STARD13: variants seen among roughly 807,000 people sequenced by gnomAD.
STARD13 encodes stAR-related lipid transfer protein 13.
Under a neutral mutation model 106.4 loss-of-function variants are expected in STARD13, and 62 were observed. That is an observed-to-expected ratio of 0.58 (90% CI 0.48 to 0.72). The LOEUF is 0.72. Among genes scored for constraint, STARD13 ranks in the 30% least tolerant of loss-of-function variants. The pLI is 0.00. For synonymous variants in STARD13, 565 were observed against 553.0 expected (o/e 1.02, Z -0.31); for missense variants, 1,387 against 1,424.0 (o/e 0.97, Z 0.42).
chr13:33,352,130 G>T (rs1472287285), upstream of STARD13, among the ~76,000 whole-genome samples: 1 of 152,188 alleles, frequency 6.6e-6, no homozygotes, highest in South Asian at 2.1e-4. Context: ...ATAAGTCACG[G>T]ATCAGAAACG....
intron 1 of STARD13, among the ~76,000 whole-genome samples, chr13:33,296,961 G>A (rs769964553): frequency 6.6e-5 from 10 of 152,200 alleles, no homozygotes; most frequent in South Asian, 2.1e-4. Flanking sequence ...GAGATCATGC[G>A]TCATTGGTCT....
the STARD13 span, among the ~76,000 whole-genome samples, chr13:33,417,894 CT>C: frequency 6.6e-6 from 1 of 152,112 alleles, no homozygotes; most frequent in Non-Finnish European, 1.5e-5. Flanking sequence ...AAATTATTGA[CT>C]TATACATTTT....
chr13:33,298,130 T>G (rs1028758729), intron 1 of STARD13, among the ~76,000 whole-genome samples: 2 of 124,652 alleles, frequency 1.6e-5, no homozygotes, highest in African/African-American at 3.0e-5. Flanking sequence ...AGTTTTTTTT[T>G]TTTTTTTTTT....
the STARD13 span, among the ~76,000 whole-genome samples, chr13:33,663,138 T>C: frequency 6.6e-6 from 1 of 152,150 alleles, no homozygotes; most frequent in Non-Finnish European, 1.5e-5. Flanking sequence ...GAGCGTAGTG[T>C]GCAGTGGTAA....
the STARD13 span, among the ~76,000 whole-genome samples, chr13:33,425,405 G>A: frequency 6.6e-6 from 1 of 151,956 alleles, no homozygotes; most frequent in Non-Finnish European, 1.5e-5. Context: ...AAGTTATGCT[G>A]CTACATTGGT....
chr13:33,299,710 G>A (rs751925475), intron 1 of STARD13, among the ~76,000 whole-genome samples: 2 of 152,162 alleles, frequency 1.3e-5, no homozygotes, highest in African/African-American at 2.4e-5. Flanking sequence ...TAAGGAGGTA[G>A]GTGAATGGGC....
chr13:33,612,133 A>G, the STARD13 span, among the ~76,000 whole-genome samples: 1 of 152,286 alleles, frequency 6.6e-6, no homozygotes, highest in South Asian at 2.1e-4. Flanking sequence ...TAACTAAGAT[A>G]CTGAACTAAA....
chr13:33,477,275 A>G, the STARD13 span, among the ~76,000 whole-genome samples: 11 of 152,200 alleles, frequency 7.2e-5, no homozygotes, highest in Admixed American at 4.6e-4. Flanking sequence ...TTCAGGGTTA[A>G]TGAGTGCCTG....
the STARD13 span, among the ~76,000 whole-genome samples, chr13:33,591,563 CTCATT>C: frequency 6.6e-6 from 1 of 152,172 alleles, no homozygotes; most frequent in Non-Finnish European, 1.5e-5. Flanking sequence ...ATTTCTAAGT[CTCATT>C]TCATCACTAT....
At chr13:33,227,424 G>C (rs531198604) in intron 1 of STARD13, among the ~76,000 whole-genome samples, 170 of 152,170 alleles carry the variant, frequency 1.1e-3, no homozygotes, top group African/African-American at 4.0e-3. Flanking sequence ...AATCTAAAAG[G>C]AGGCATGGAA....
the STARD13 span, among the ~76,000 whole-genome samples, chr13:33,494,749 C>T: frequency 2.0e-5 from 3 of 151,906 alleles, no homozygotes. Flanking sequence ...TTCACTATAG[C>T]TAGCACAATG....
At chr13:33,516,731 A>G in the STARD13 span, among the ~76,000 whole-genome samples, 241 of 152,164 alleles carry the variant, frequency 1.6e-3, 1 homozygote, top group Admixed American at 3.6e-3. Context: ...GAGATGTGCC[A>G]TAAGTGTAAA....
At chr13:33,243,344 A>T (rs893179197) in intron 1 of STARD13, among the ~76,000 whole-genome samples, 9 of 152,142 alleles carry the variant, frequency 5.9e-5, no homozygotes, top group African/African-American at 2.2e-4. Flanking sequence ...CAGAGTAAAG[A>T]CTTTCCTATA....
intron 7 of STARD13, among the ~76,000 whole-genome samples, chr13:33,122,622 G>C (rs1361086548): frequency 6.6e-6 from 1 of 152,198 alleles, no homozygotes; most frequent in African/African-American, 2.4e-5. Flanking sequence ...CAGCAATGCA[G>C]AGTTCATTTT....
At chr13:33,646,382 G>A in the STARD13 span, among the ~76,000 whole-genome samples, 1 of 152,122 alleles carries the variant, frequency 6.6e-6, no homozygotes, top group African/African-American at 2.4e-5. Flanking sequence ...ATTCTGCCTC[G>A]GGATATACAG....
the STARD13 span, among the ~76,000 whole-genome samples, chr13:33,438,699 A>G: frequency 6.6e-6 from 1 of 152,174 alleles, no homozygotes; most frequent in Admixed American, 6.5e-5. Flanking sequence ...AAATCTCCCC[A>G]AGAGCTGAAG....
chr13:33,462,452 G>A, the STARD13 span, among the ~76,000 whole-genome samples: 4 of 152,328 alleles, frequency 2.6e-5, no homozygotes, highest in Admixed American at 2.0e-4. Context: ...ATATATGCAG[G>A]GGAGTTTGTT....
chr13:33,141,300 C>T (rs2005641), intron 4 of STARD13, among the ~76,000 whole-genome samples: 1 of 152,008 alleles, frequency 6.6e-6, no homozygotes, highest in African/African-American at 2.4e-5. Context: ...GCTGCAAGAT[C>T]GTGGGCAATG....
At chr13:33,283,139 AAAT>A (rs1891885369) in intron 1 of STARD13, among the ~76,000 whole-genome samples, 2 of 152,180 alleles carry the variant, frequency 1.3e-5, no homozygotes, top group Admixed American at 1.3e-4. Flanking sequence ...TCCACTAGAG[AAAT>A]ATAACCTGAC....
Sources: gnomAD v4.1 joint callset for allele counts (sites outside exome capture counted in the v4.1 genomes callset) on GRCh38, gnomAD v4.1.1 for gene constraint, MANE v1.5 for transcripts, NCBI Gene and HGNC (gene_info 2026-07-23, HGNC 2026-07-21) for gene names.